SLC27A2: variants seen among roughly 807,000 people sequenced by gnomAD.
SLC27A2 encodes the protein long-chain fatty acid transport protein 2.
A neutral mutation model predicts 60.0 loss-of-function variants in SLC27A2; 54 were observed. The observed-to-expected ratio is 0.90, with a 90% CI of 0.72 to 1.13. The LOEUF (loss-of-function observed/expected upper bound fraction) is 1.13, where lower values mean the gene tolerates loss of function less well. SLC27A2 is among the 50% of genes most tolerant of loss of function. The probability of loss-of-function intolerance (pLI) is 0.00; values close to 1 mark genes in which losing one functional copy is unlikely to be tolerated. For missense variants in SLC27A2, 739 were observed against 777.6 expected, an observed-to-expected ratio of 0.95 and a Z score of 0.59; for synonymous variants, 297 against 297.6, an observed-to-expected ratio of 1.00 and a Z score of 0.02.
At chr15:50,189,936 T>C (rs7179025) in intron 1 of SLC27A2, among the ~76,000 whole-genome samples, 39,660 of 152,122 alleles carry the variant, frequency 0.26, 5,544 homozygotes, top group East Asian at 0.48. Context: ...AACTTTAACT[T>C]GGAGAAATAA....
At chr15:50,217,224 C>T (rs1382018762) in intron 4 of SLC27A2, among the ~76,000 whole-genome samples, 3 of 152,026 alleles carry the variant, frequency 2.0e-5, no homozygotes, top group Non-Finnish European at 4.4e-5. Context: ...CAAATACCAT[C>T]GGTACCCCCA....
Position 50,222,977 on chromosome 15 carries a change from C to G in SLC27A2, c.985C>G (p.Arg329Gly), listed in dbSNP as rs77089750. 6.2e-7 allele frequency: 1 copy of G among 1,608,206 alleles called. No individual in the cohort carries two copies. Residue 329 changes from arginine to glycine, a missense_variant, in exon 5 of 10, where the codon CGT (arginine) becomes GGT (glycine). Physicochemically the swap from Arg to Gly is moderately radical, Grantham distance 125 (BLOSUM62 -2). Coordinates refer to ENST00000267842, the MANE Select transcript of SLC27A2 (RefSeq NM_003645.4). ...TCCCCCACCACAGAAACCAAATGAC[C>G]GTGATCATAAAGTGAGACTGGCACT... is the stretch of plus-strand genomic sequence containing the variant. Reference protein sequence around the residue: ...LCNSPQKPNDRDHKVRLALGN... With the variant: ...LCNSPQKPNDGDHKVRLALGN...
At chr15:50,231,520 AAC>A (rs958545653) in intron 8 of SLC27A2, among the ~76,000 whole-genome samples, 2 of 152,182 alleles carry the variant, frequency 1.3e-5, no homozygotes, top group Non-Finnish European at 2.9e-5. Context: ...TTTAAAAAAA[AAC>A]ACACACACTG....
intron 4 of SLC27A2, among the ~76,000 whole-genome samples, chr15:50,205,866 G>A (rs1050438356): frequency 6.6e-6 from 1 of 151,908 alleles, no homozygotes; most frequent in Non-Finnish European, 1.5e-5. Flanking sequence ...CTGTTATACC[G>A]AAGGCATACA....
intron 2 of SLC27A2, among the ~76,000 whole-genome samples, chr15:50,197,921 G>T (rs1417140648): frequency 6.6e-6 from 1 of 152,168 alleles, no homozygotes; most frequent in African/African-American, 2.4e-5. Flanking sequence ...AGTTGGTATA[G>T]AACAGATAAA....
intron 4 of SLC27A2, among the ~76,000 whole-genome samples, chr15:50,210,161 T>C (rs1266616905): frequency 1.3e-5 from 2 of 152,088 alleles, no homozygotes; most frequent in East Asian, 1.9e-4. Context: ...CAGGACTAGA[T>C]TGTGGCTCCA....
At chr15:50,218,858 A>T (rs935075010) in intron 4 of SLC27A2, among the ~76,000 whole-genome samples, 9 of 152,240 alleles carry the variant, frequency 5.9e-5, no homozygotes, top group African/African-American at 2.2e-4. Flanking sequence ...TAACTAGTCC[A>T]GACTGGAGCA....
At position 50,203,648 on chromosome 15, in the gene SLC27A2, A is replaced by G. The variant is rs527847735; in HGVS notation, c.847+1003A>G. On this transcript the variant is annotated intron_variant, in intron 3 of 9. Coordinates refer to ENST00000267842, the MANE Select transcript of SLC27A2 (RefSeq NM_003645.4). ...CACATATGTATATACACACACATAT[A>G]TGCGTGTGTGTATATGCATGCATGT... Among the ~76,000 whole-genome samples, 636 of 152,256 alleles carry G rather than the reference A, an allele frequency of 4.2e-3. 1 individual carries two copies. Among genetic ancestry groups the G allele is most frequent in the African/African-American group, 0.015 (608 of 41,532 alleles).
At position 50,182,369 on chromosome 15, in the gene SLC27A2, C is replaced by T; in HGVS notation, c.-59C>T. 2 of 1,428,084 alleles carry T rather than the reference C, an allele frequency of 1.4e-6. No individual in the cohort carries two copies. Among genetic ancestry groups the T allele is most frequent in the Admixed American group, 3.2e-5 (1 of 31,434 alleles). The allele number at this position is 1,428,084 out of a possible 1,614,324, so 88.5% of individuals were successfully genotyped here. A position where few individuals can be genotyped will look rare whatever the true frequency, so the allele number is the denominator to read the frequency against. On this transcript the variant is annotated 5_prime_UTR_variant, in exon 1 of 10. Transcript: ENST00000267842. ...CCGCCCGGAGCCCGCCCAGTCGCCG[C>T]GCTGCACGCCCGGGGTGAACCCTCT...
chr15:50,191,184 G>A (rs1357559823), intron 1 of SLC27A2: 1 of 152,212 alleles, frequency 6.6e-6, no homozygotes, highest in Non-Finnish European at 1.5e-5. Context: ...GTGAAGTGAT[G>A]TATGTAAAAC....
rs930120144 is a variant in SLC27A2, at chr15:50,182,973, G to T, written c.478+68G>T. On this transcript the variant is annotated intron_variant, in intron 1 of 9. Coordinates refer to ENST00000267842, the MANE Select transcript of SLC27A2 (RefSeq NM_003645.4). ...GGCGCCTTGACTGACGAGCCACAGCGTGGCATAAGGGGTTCGCAGAGGGAG... is the reference window on the plus strand; with the variant it reads ...GGCGCCTTGACTGACGAGCCACAGCTTGGCATAAGGGGTTCGCAGAGGGAG... The T allele has an allele frequency of 5.4e-6, 8 of 1,482,478 alleles. No individual in the cohort carries two copies. The African/African-American group carries it at 9.8e-5, about 18-fold the overall frequency. 91.8% of individuals were successfully genotyped at this position (1,482,478 alleles called of 1,614,324 possible).
At chr15:50,234,404 A>G (rs1324882572) in intron 9 of SLC27A2, among the ~76,000 whole-genome samples, 1 of 152,000 alleles carries the variant, frequency 6.6e-6, no homozygotes, top group African/African-American at 2.4e-5. Flanking sequence ...CCTGGCTAAC[A>G]TGGTGAAACC....
rs577402136 is a variant in SLC27A2, at chr15:50,199,400, C to G, written c.688+1691C>G. Reference sequence around the variant, plus strand: ...GAAGCAGGAGAATGGCATGCATGAACCAGGGAGGCGGAGCTTGCAGTGAGC... The same window carrying G: ...GAAGCAGGAGAATGGCATGCATGAAGCAGGGAGGCGGAGCTTGCAGTGAGC... On this transcript the variant is annotated intron_variant, in intron 2 of 9. Transcript: ENST00000267842. Among the ~76,000 whole-genome samples the G allele has an allele frequency of 1.7e-4, 25 of 150,574 alleles. No individual in the cohort carries two copies. In the East Asian group the frequency reaches 4.5e-3, roughly 27 times the overall value.
At chr15:50,221,189 T>C (rs1476138927) in intron 4 of SLC27A2, among the ~76,000 whole-genome samples, 1 of 151,456 alleles carries the variant, frequency 6.6e-6, no homozygotes, top group African/African-American at 2.4e-5. Context: ...AGCAAGACCC[T>C]GTCTCGAAAA....
chr15:50,182,235 A>T lies in SLC27A2; in HGVS notation c.-193A>T. 1.1e-6 allele frequency: 1 copy of T among 895,494 alleles called. No individual in the cohort carries two copies. Among genetic ancestry groups the T allele is most frequent in the Non-Finnish European group, 1.5e-6 (1 of 674,198 alleles). 55.5% of individuals were successfully genotyped at this position (895,494 alleles called of 1,614,324 possible). Reference sequence around the variant, plus strand: ...CCCCCGGCAACGCGCATACGACTACACCTGCTCCGGAGCCCGCGGCGGTAC... The same window carrying T: ...CCCCCGGCAACGCGCATACGACTACTCCTGCTCCGGAGCCCGCGGCGGTAC... On this transcript the variant is annotated 5_prime_UTR_variant, in exon 1 of 10. Transcript: ENST00000267842.
At position 50,223,294 on chromosome 15, in the gene SLC27A2, G is replaced by A. The variant is rs78302431; in HGVS notation, c.1167+135G>A. 3.3e-3 allele frequency: 1,933 copies of A among 578,250 alleles called. 32 individuals are homozygous for A. The African/African-American group carries it at 0.034, about 10-fold the overall frequency. The allele number at this position is 578,250 out of a possible 1,614,324, so 35.8% of individuals were successfully genotyped here. A position where few individuals can be genotyped will look rare whatever the true frequency, so the allele number is the denominator to read the frequency against. ...TGGCCCATTCCTATCACCAAGAGAAGTTTTGCTCATTCTCTGTGATGATGA... is the reference window on the plus strand; with the variant it reads ...TGGCCCATTCCTATCACCAAGAGAAATTTTGCTCATTCTCTGTGATGATGA... On this transcript the variant is annotated intron_variant, in intron 5 of 9. Coordinates refer to ENST00000267842, the MANE Select transcript of SLC27A2 (RefSeq NM_003645.4).
Position 50,197,565 on chromosome 15 carries a change from G to A in SLC27A2, c.544G>A (p.Val182Met). 1 of 1,614,058 alleles carries A rather than the reference G, an allele frequency of 6.2e-7. No individual in the cohort carries two copies. Among genetic ancestry groups the A allele is most frequent in the South Asian group, 1.1e-5 (1 of 91,076 alleles). Residue 182 changes from valine (V) to methionine (M), a missense_variant, in exon 2 of 10, where the codon GTG becomes ATG. Physicochemically the swap from Val to Met is conservative, Grantham distance 21. Transcript: ENST00000267842. ...AAAAGATGATGTGTCCATCTATTAT[G>A]TGAGCAGAACTTCTAACACAGATGG... is the stretch of plus-strand genomic sequence containing the variant. The part of the protein sequence containing the change: ...LKKDDVSIYY[V>M]SRTSNTDGID...
intron 4 of SLC27A2, among the ~76,000 whole-genome samples, chr15:50,206,073 C>A (rs1266793524): frequency 6.6e-6 from 1 of 152,162 alleles, no homozygotes; most frequent in Non-Finnish European, 1.5e-5. Context: ...CAACTCTCAT[C>A]AGAGATCTGG....
In SLC27A2 at chr15:50,202,514, A is replaced by C; in HGVS notation, c.716A>C (p.His239Pro). The C allele has an allele frequency of 6.2e-7, 1 of 1,614,204 alleles. No individual in the cohort carries two copies. Among genetic ancestry groups the C allele is most frequent in the Non-Finnish European group, 8.5e-7 (1 of 1,180,022 alleles). Residue 239 changes from histidine (H) to proline (P), a missense_variant, in exon 3 of 10, where the codon CAT (histidine) becomes CCT (proline). His to Pro is a moderately conservative substitution (Grantham distance 77, BLOSUM62 -2). Coordinates refer to ENST00000267842, the MANE Select transcript of SLC27A2 (RefSeq NM_003645.4). ...TGLPKAAMIT[H>P]QRIWYGTGLT... ...CTTCCAAAAGCAGCCATGATCACTC[A>C]TCAGCGCATATGGTATGGAACTGGC...
Sources: gnomAD v4.1 joint callset for allele counts (sites outside exome capture counted in the v4.1 genomes callset) on GRCh38, gnomAD v4.1.1 for gene constraint, MANE v1.5 for transcripts, NCBI Gene and HGNC (gene_info 2026-07-23, HGNC 2026-07-21) for gene names.